EHMT1: variants seen among roughly 807,000 people sequenced by gnomAD.
EHMT1 encodes the protein euchromatic histone lysine methyltransferase 1, also known as histone-lysine N-methyltransferase EHMT1.
In EHMT1, 15 loss-of-function variants were observed where a neutral mutation model predicts 147.2. That is an observed-to-expected ratio of 0.10 (90% CI 0.07 to 0.16). The LOEUF (loss-of-function observed/expected upper bound fraction) is 0.16. EHMT1 is among the 10% of genes least tolerant of loss of function. The pLI, the probability that EHMT1 is intolerant of heterozygous loss-of-function variation, is 1.00. For synonymous variants in EHMT1, 795 were observed against 709.6 expected (o/e 1.12, Z -1.91); for missense variants, 1,587 against 1,772.4 (o/e 0.90, Z 1.88).
intron 18 of EHMT1, among the ~76,000 whole-genome samples, chr9:137,810,873 G>C (rs939616819): frequency 1.1e-4 from 17 of 151,846 alleles, no homozygotes; most frequent in African/African-American, 4.1e-4. Context: ...CTCATTTTTT[G>C]TATTTTTAGT....
chr9:137,623,587 A>G (rs903664708), intron 1 of EHMT1, among the ~76,000 whole-genome samples: 2 of 151,698 alleles, frequency 1.3e-5, no homozygotes, highest in African/African-American at 2.4e-5. Flanking sequence ...TGCCTGGCTA[A>G]TTTTTGTATT....
intron 4 of EHMT1, among the ~76,000 whole-genome samples, chr9:137,740,246 G>C (rs754770241): frequency 1.3e-5 from 2 of 151,562 alleles, no homozygotes; most frequent in Non-Finnish European, 2.9e-5. Flanking sequence ...ACTGTCCTAT[G>C]CCTGGGCCTC....
chr9:137,833,920 G>A (rs746624614), intron 25 of EHMT1, among the ~76,000 whole-genome samples: 6 of 152,224 alleles, frequency 3.9e-5, no homozygotes, highest in Non-Finnish European at 7.3e-5. Flanking sequence ...TGTCCCGGAT[G>A]CCAGCTCCAT....
Position 137,716,824 on chromosome 9 carries a change from G to A in EHMT1, c.284G>A (p.Gly95Glu). The A allele has an allele frequency of 6.2e-7, 1 of 1,613,316 alleles. No individual in the cohort carries two copies. ...ACACTAACTCGGATAGCGGAAAATG[G>A]GGTTTCAGAAAGAGACTCAGAAGCG... ...TNTLTRIAEN[G>E]VSERDSEAAK... Residue 95 changes from glycine to glutamate, a missense_variant, in exon 3 of 27, where the codon GGG (glycine) becomes GAG (glutamate). Gly to Glu is a moderately conservative substitution (Grantham distance 98, BLOSUM62 -2). Coordinates refer to ENST00000460843, the MANE Select transcript of EHMT1 (RefSeq NM_024757.5).
intron 1 of EHMT1, among the ~76,000 whole-genome samples, chr9:137,630,308 A>G (rs1224761108): frequency 6.6e-6 from 1 of 152,256 alleles, no homozygotes; most frequent in Admixed American, 6.5e-5. Context: ...ACTGAGTAGG[A>G]AATGAGAGTC....
intron 3 of EHMT1, among the ~76,000 whole-genome samples, chr9:137,721,495 T>TTCTCACACGCCTCTCACCC: frequency 3.1e-5 from 1 of 32,066 alleles, no homozygotes; most frequent in Non-Finnish European, 5.3e-5. Flanking sequence ...GCCTCTCACC[T>TTCTCACACGCCTCTCACCC]TCTCACACGC....
At chr9:137,719,283 T>C (rs925757760) in intron 3 of EHMT1, among the ~76,000 whole-genome samples, 3 of 152,144 alleles carry the variant, frequency 2.0e-5, no homozygotes, top group Non-Finnish European at 4.4e-5. Flanking sequence ...AGCCTGACTA[T>C]GAGTGCTGTG....
chr9:137,743,585 C>T (rs1481262013), intron 5 of EHMT1, 57 bp downstream of exon 5: 4 of 1,611,624 alleles, frequency 2.5e-6, no homozygotes, highest in East Asian at 4.5e-5. Flanking sequence ...TTTCTGTGTT[C>T]AGGGCCTCGT....
At chr9:137,742,902 C>G (rs1057410338) in intron 4 of EHMT1, 4 of 239,976 alleles carry the variant, frequency 1.7e-5, no homozygotes, top group Admixed American at 5.2e-5. Flanking sequence ...GGCCTGGCCC[C>G]TGTGCTGGGA....
intron 6 of EHMT1, 135 bp from the exon 7 acceptor site, chr9:137,752,196 G>A (rs576062578): frequency 3.4e-5 from 37 of 1,088,892 alleles, no homozygotes; most frequent in Middle Eastern, 2.8e-4. Flanking sequence ...CGGCGCCCCC[G>A]CCCCGCGAGC....
At position 137,813,437 on chromosome 9, in the gene EHMT1, G is replaced by A. The variant is rs11137244; in HGVS notation, c.3087G>A (p.Val1029=). 15,438 of 1,613,706 alleles carry A rather than the reference G, an allele frequency of 9.6e-3. 963 individuals carry two copies. The African/African-American group carries it at 0.15, about 16-fold the overall frequency. Residue 1029 remains valine, a synonymous_variant, in exon 21 of 27, where the codon GTG becomes GTA. Transcript: ENST00000460843. The surrounding 1 kb of genome is among the most constrained non-coding windows in gnomAD (Gnocchi z 4.9). ...TCCCCATCCCCTGTGTCAACGCCGT[G>A]GACAGCGAGCCATGCCCCAGCAACT... is the stretch of plus-strand genomic sequence containing the variant. ...ERIPIPCVNA[V]DSEPCPSNYK... is the part of the protein sequence containing the mutation.
chr9:137,640,853 C>G (rs556481507), intron 1 of EHMT1: 2 of 152,892 alleles, frequency 1.3e-5, no homozygotes, highest in Admixed American at 1.3e-4. Context: ...AAGGTATTTC[C>G]CCCCCAGATA....
chr9:137,634,231 A>G (rs753092760), intron 1 of EHMT1, among the ~76,000 whole-genome samples: 3 of 152,050 alleles, frequency 2.0e-5, no homozygotes, highest in Non-Finnish European at 2.9e-5. Context: ...TGATTGCCCA[A>G]TCCAAACCAG....
chr9:137,646,212 G>A (rs997124987), intron 1 of EHMT1: 22 of 335,972 alleles, frequency 6.5e-5, no homozygotes, highest in Non-Finnish European at 8.9e-5. Flanking sequence ...CGCCTGCCTC[G>A]GCCTCCCAAA....
At chr9:137,631,265 G>A (rs1045080841) in intron 1 of EHMT1, among the ~76,000 whole-genome samples, 9 of 151,948 alleles carry the variant, frequency 5.9e-5, no homozygotes, top group Non-Finnish European at 1.0e-4. Context: ...GATGGCGGGC[G>A]CCTGTAATCC....
chr9:137,625,323 G>A (rs1200268893), intron 1 of EHMT1, among the ~76,000 whole-genome samples: 1 of 152,154 alleles, frequency 6.6e-6, no homozygotes, highest in Non-Finnish European at 1.5e-5. Flanking sequence ...CTAAGTAGCT[G>A]TGAAATCTGA....
intron 1 of EHMT1, among the ~76,000 whole-genome samples, chr9:137,665,692 G>A (rs1404434865): frequency 2.0e-5 from 3 of 152,198 alleles, no homozygotes; most frequent in African/African-American, 7.2e-5. Context: ...TGTGGGATGA[G>A]CTGTGTTGAT....
At chr9:137,703,343 TC>T (rs1328200869) in intron 1 of EHMT1, among the ~76,000 whole-genome samples, 1 of 152,228 alleles carries the variant, frequency 6.6e-6, no homozygotes, top group Non-Finnish European at 1.5e-5. Flanking sequence ...GTGCTTTTTT[TC>T]CTACCACATG....
intron 18 of EHMT1, among the ~76,000 whole-genome samples, chr9:137,806,063 G>C (rs1013369878): frequency 7.1e-6 from 1 of 140,284 alleles, no homozygotes; most frequent in Non-Finnish European, 1.6e-5. Flanking sequence ...TGGTTCAAGC[G>C]ATTCTCCTGC....
Sources: allele counts gnomAD v4.1 joint callset (sites outside exome capture counted in the v4.1 genomes callset), GRCh38; gene constraint gnomAD v4.1.1; non-coding constraint Gnocchi (gnomAD v3.1); transcripts MANE v1.5; gene names NCBI Gene and HGNC (gene_info 2026-07-23, HGNC 2026-07-21).